The following CSMD1 variants were observed in gnomAD, a reference collection of about 807,000 sequenced individuals.
CSMD1 encodes CUB and sushi domain-containing protein 1.
CSMD1 carries 213 observed loss-of-function variants against 417.5 expected under a neutral mutation model. The observed-to-expected ratio is 0.51, with a 90% CI of 0.46 to 0.57. The LOEUF (loss-of-function observed/expected upper bound fraction) is 0.57. Ranked by LOEUF, CSMD1 falls within the 20% of genes least tolerant of loss-of-function variation. The pLI is 0.00. For synonymous variants in CSMD1, 2,862 were observed against 1,736.8 expected, an observed-to-expected ratio of 1.65 and a Z score of -16.11; for missense variants, 6,923 against 4,529.7, an observed-to-expected ratio of 1.53 and a Z score of -15.17.
At chr8:4,913,424 C>G (rs760415694) in intron 1 of CSMD1, among the ~76,000 whole-genome samples, 1 of 152,154 alleles carries the variant, frequency 6.6e-6, no homozygotes, top group Admixed American at 6.5e-5. Context: ...TGCTTGGACA[C>G]TCAGTGAATA....
At chr8:3,528,697 C>G (rs73503686) in intron 10 of CSMD1, among the ~76,000 whole-genome samples, 6,251 of 152,220 alleles carry the variant, frequency 0.041, 430 homozygotes, top group African/African-American at 0.14. Context: ...ACAAAAATGT[C>G]AGTGCATATG....
intron 18 of CSMD1, among the ~76,000 whole-genome samples, chr8:3,384,915 A>G (rs1472928724): frequency 2.5e-5 from 3 of 122,362 alleles, no homozygotes; most frequent in African/African-American, 6.5e-5. Flanking sequence ...ATGCTTATAT[A>G]TTACATATGC....
chr8:4,563,977 C>T (rs549756204), intron 2 of CSMD1, among the ~76,000 whole-genome samples: 21 of 152,272 alleles, frequency 1.4e-4, no homozygotes, highest in African/African-American at 3.6e-4. Context: ...AGCTGTTGAA[C>T]ATCTGCAGAT....
chr8:4,620,015 A>T (rs1473411713), intron 2 of CSMD1, among the ~76,000 whole-genome samples: 1 of 152,038 alleles, frequency 6.6e-6, no homozygotes, highest in East Asian at 1.9e-4. Flanking sequence ...CATTGATTTT[A>T]TATATGCATT....
chr8:4,133,742 T>G (rs1803251423), intron 3 of CSMD1, among the ~76,000 whole-genome samples: 1 of 152,182 alleles, frequency 6.6e-6, no homozygotes, highest in Admixed American at 6.5e-5. Flanking sequence ...TATGGTTTTT[T>G]TTATTATTTT....
At chr8:2,942,939 C>T (rs943379166) in intron 68 of CSMD1, among the ~76,000 whole-genome samples, 19 of 152,144 alleles carry the variant, frequency 1.2e-4, no homozygotes, top group Non-Finnish European at 2.1e-4. Context: ...TGTATTTTTT[C>T]TATATTCAGA....
At chr8:4,744,719 T>G (rs1810841328) in intron 1 of CSMD1, among the ~76,000 whole-genome samples, 1 of 152,204 alleles carries the variant, frequency 6.6e-6, no homozygotes, top group Non-Finnish European at 1.5e-5. Context: ...AGGTCATGGT[T>G]TAATGATAAT....
intron 3 of CSMD1, among the ~76,000 whole-genome samples, chr8:4,225,140 T>G (rs1339375281): frequency 6.6e-6 from 1 of 152,154 alleles, no homozygotes; most frequent in Non-Finnish European, 1.5e-5. Flanking sequence ...AAATTCATTT[T>G]ATTTGTTCAT....
At chr8:4,032,202 A>C in intron 3 of CSMD1, 103 bp from the exon 4 acceptor site, 1 of 769,934 alleles carries the variant, frequency 1.3e-6, no homozygotes, top group Non-Finnish European at 2.0e-6. Flanking sequence ...TAAAATGAGA[A>C]AACCTCTAGC....
chr8:4,340,100 A>AAC, intron 3 of CSMD1, among the ~76,000 whole-genome samples: 1 of 152,188 alleles, frequency 6.6e-6, no homozygotes, highest in South Asian at 2.1e-4. Context: ...AATTAGAGTT[A>AAC]ACCTTAGAAG....
At chr8:3,553,554 A>G (rs1002916117) in intron 10 of CSMD1, among the ~76,000 whole-genome samples, 1 of 152,208 alleles carries the variant, frequency 6.6e-6, no homozygotes, top group South Asian at 2.1e-4. Context: ...GACTTGGAAT[A>G]TCCAACAATT....
intron 2 of CSMD1, among the ~76,000 whole-genome samples, chr8:4,519,785 C>A (rs760395450): frequency 0.018 from 1,322 of 74,996 alleles, 11 homozygotes; most frequent in Middle Eastern, 0.033. Context: ...AAAAAAAATT[C>A]TTGCCTTTTG....
chr8:3,697,926 A>T (rs1241306812), intron 7 of CSMD1, among the ~76,000 whole-genome samples: 5 of 152,152 alleles, frequency 3.3e-5, no homozygotes, highest in Admixed American at 3.3e-4. Flanking sequence ...AATCAATTAT[A>T]TTCTTTAATT....
intron 68 of CSMD1, among the ~76,000 whole-genome samples, chr8:2,945,814 A>T (rs1184667514): frequency 6.6e-6 from 1 of 152,172 alleles, no homozygotes; most frequent in Non-Finnish European, 1.5e-5. Context: ...CACTACTACA[A>T]TGATAAATCA....
chr8:4,637,398 A>C lies in CSMD1; in HGVS notation c.246T>G (p.Asp82Glu). The C allele has an allele frequency of 6.2e-7, 1 of 1,613,932 alleles. No individual in the cohort carries two copies. The change falls in exon 2 of 70, where the codon GAT (aspartate) becomes GAG (glutamate). Residue 82 changes from aspartate (D) to glutamate (E), a missense_variant. Coordinates refer to ENST00000635120, the MANE Select transcript of CSMD1 (RefSeq NM_033225.6). ...CATCGTAAACTGATAAAATATCAAA[A>C]TCTTCTTCAAGAGCAAAGGTATGGA... is the stretch of plus-strand genomic sequence containing the variant. ...LSFHTFALEE[D>E]FDILSVYDGQ...
At chr8:3,595,428 C>G (rs963752506) in intron 8 of CSMD1, among the ~76,000 whole-genome samples, 1 of 152,162 alleles carries the variant, frequency 6.6e-6, no homozygotes, top group Non-Finnish European at 1.5e-5. Context: ...TTTTTAGACT[C>G]ATTTCTTCAA....
At chr8:3,471,961 G>T (rs373635802) in intron 11 of CSMD1, among the ~76,000 whole-genome samples, 17 of 152,132 alleles carry the variant, frequency 1.1e-4, no homozygotes, top group Admixed American at 9.2e-4. Context: ...TTCTCCCTTT[G>T]GGATTACAGG....
chr8:3,136,744 A>C (rs903684922), intron 41 of CSMD1, among the ~76,000 whole-genome samples: 1 of 152,140 alleles, frequency 6.6e-6, no homozygotes, highest in African/African-American at 2.4e-5. Flanking sequence ...GTTTCCTGAA[A>C]GTAACTGTGA....
chr8:3,832,254 G>A (rs572289239), intron 5 of CSMD1, among the ~76,000 whole-genome samples: 5 of 152,276 alleles, frequency 3.3e-5, no homozygotes, highest in Admixed American at 1.3e-4. Flanking sequence ...GCGCTTCCCT[G>A]CCTGATTTCC....
Sources: allele counts gnomAD v4.1 joint callset (sites outside exome capture counted in the v4.1 genomes callset), GRCh38; gene constraint gnomAD v4.1.1; transcripts MANE v1.5; gene names NCBI Gene and HGNC (gene_info 2026-07-23, HGNC 2026-07-21).